The following NKAIN3 variants were observed in gnomAD, a reference collection of about 807,000 sequenced individuals.
The protein encoded by NKAIN3 is sodium/potassium-transporting ATPase subunit beta-1-interacting protein 3.
In NKAIN3, 25 loss-of-function variants were observed where a neutral mutation model predicts 30.2. The ratio of observed to expected loss-of-function variants is 0.83; its 90% CI spans 0.60 to 1.16. NKAIN3 has a LOEUF of 1.16. Among genes scored for constraint, NKAIN3 ranks in the 50% most tolerant of loss-of-function variants. The pLI is 0.00. For missense variants in NKAIN3, 225 were observed against 254.1 expected, an observed-to-expected ratio of 0.89 and a Z score of 0.78; for synonymous variants, 91 against 89.6, an observed-to-expected ratio of 1.02 and a Z score of -0.09.
At chr8:62,532,472 C>A (rs1041015281) in intron 1 of NKAIN3, among the ~76,000 whole-genome samples, 1 of 152,062 alleles carries the variant, frequency 6.6e-6, no homozygotes, top group Non-Finnish European at 1.5e-5. Context: ...AAACATGATG[C>A]TATAATTATC....
In NKAIN3 at chr8:62,967,785, C is replaced by A. The variant is rs1442369468; in HGVS notation, c.*2378C>A. Among the ~76,000 whole-genome samples the A allele has an allele frequency of 6.6e-6, 1 of 151,966 alleles. No homozygotes were observed. Among genetic ancestry groups the A allele is most frequent in the Non-Finnish European group, 1.5e-5 (1 of 68,002 alleles). On this transcript the variant is annotated 3_prime_UTR_variant, in exon 7 of 7. Transcript: ENST00000623646. ...ATATTTTAAACTGTCACTTAATTAC[C>A]CCCACACATACACATGCAAATAAAA...
At chr8:62,522,884 T>C (rs1035473574) in intron 1 of NKAIN3, among the ~76,000 whole-genome samples, 5 of 152,084 alleles carry the variant, frequency 3.3e-5, no homozygotes, top group African/African-American at 1.2e-4. Flanking sequence ...AGTGAAAACA[T>C]TACAGTAAGC....
chr8:62,281,481 T>A (rs1236018766), intron 1 of NKAIN3, among the ~76,000 whole-genome samples: 1 of 152,214 alleles, frequency 6.6e-6, no homozygotes, highest in African/African-American at 2.4e-5. Flanking sequence ...GTGTCAATTT[T>A]AGATCTTTCC....
At chr8:62,878,468 C>T (rs958256069) in intron 4 of NKAIN3, among the ~76,000 whole-genome samples, 4 of 151,966 alleles carry the variant, frequency 2.6e-5, no homozygotes, top group African/African-American at 7.3e-5. Context: ...ACCTCTACCC[C>T]CTAAGAGAGA....
chr8:62,988,721 G>T (rs1824256712), downstream of NKAIN3, among the ~76,000 whole-genome samples: 1 of 152,262 alleles, frequency 6.6e-6, no homozygotes. Context: ...CAGCTATGAA[G>T]ATCTCTGACA....
chr8:62,415,198 T>C (rs35441586), intron 1 of NKAIN3, among the ~76,000 whole-genome samples: 2 of 142,504 alleles, frequency 1.4e-5, no homozygotes, highest in Admixed American at 7.4e-5. Flanking sequence ...TATACTATAG[T>C]ATATATATTA....
At chr8:62,300,976 A>C (rs1814029658) in intron 1 of NKAIN3, among the ~76,000 whole-genome samples, 1 of 152,142 alleles carries the variant, frequency 6.6e-6, no homozygotes, top group African/African-American at 2.4e-5. Flanking sequence ...TAATAGTAGT[A>C]AACTTGGCAG....
At chr8:62,777,548 A>G (rs1457489887) in intron 4 of NKAIN3, among the ~76,000 whole-genome samples, 1 of 152,090 alleles carries the variant, frequency 6.6e-6, no homozygotes, top group African/African-American at 2.4e-5. Flanking sequence ...ATTATTCTTA[A>G]GTATTTCAGT....
chr8:62,697,107 A>G (rs1358800520), intron 3 of NKAIN3, among the ~76,000 whole-genome samples: 4 of 152,188 alleles, frequency 2.6e-5, no homozygotes, highest in African/African-American at 9.7e-5. Context: ...GTAATCCTTT[A>G]AAAACATAGG....
intron 3 of NKAIN3, among the ~76,000 whole-genome samples, chr8:62,632,282 T>C (rs1362693342): frequency 6.6e-6 from 1 of 152,182 alleles, no homozygotes; most frequent in African/African-American, 2.4e-5. Flanking sequence ...TATGAAATTT[T>C]TGTGTCTTCA....
intron 1 of NKAIN3, among the ~76,000 whole-genome samples, chr8:62,382,533 A>G (rs1425312895): frequency 6.6e-6 from 1 of 152,168 alleles, no homozygotes; most frequent in Non-Finnish European, 1.5e-5. Context: ...TTTCTATATT[A>G]TACCAACATT....
chr8:62,350,424 G>A (rs965956816), intron 1 of NKAIN3, among the ~76,000 whole-genome samples: 2 of 152,042 alleles, frequency 1.3e-5, no homozygotes, highest in Admixed American at 1.3e-4. Context: ...AATCAAATTG[G>A]TAGAGACAAA....
chr8:62,491,578 C>A (rs186008176), intron 1 of NKAIN3, among the ~76,000 whole-genome samples: 2 of 152,132 alleles, frequency 1.3e-5, no homozygotes, highest in African/African-American at 4.8e-5. Flanking sequence ...AATGACAAAG[C>A]CAGAGATTAG....
At chr8:62,285,909 T>C (rs1585634068) in intron 1 of NKAIN3, among the ~76,000 whole-genome samples, 4 of 152,296 alleles carry the variant, frequency 2.6e-5, no homozygotes, top group Admixed American at 2.6e-4. Flanking sequence ...TTCTAGACAA[T>C]TGAATCTGTG....
intron 3 of NKAIN3, among the ~76,000 whole-genome samples, chr8:62,672,493 CATT>C (rs1315343143): frequency 1.3e-5 from 2 of 152,196 alleles, no homozygotes; most frequent in African/African-American, 4.8e-5. Context: ...AGAAAAGCCA[CATT>C]ATTATCAGAA....
rs16928986 is a variant in NKAIN3, at chr8:62,475,214, C to T, written c.55-104325C>T. Among the ~76,000 whole-genome samples, 292 of 152,146 alleles carry T rather than the reference C, an allele frequency of 1.9e-3. 1 individual carries two copies. The highest frequency in any genetic ancestry group is 6.7e-3 in the African/African-American group (280 of 41,510). On this transcript the variant is annotated intron_variant, in intron 1 of 6. Transcript: ENST00000623646. ...GAAATAACACAGTTTTCATGATGTT[C>T]GTGATGAGAATAAAGTGAAACAAAA...
chr8:62,448,829 G>C (rs1805560021), intron 1 of NKAIN3, among the ~76,000 whole-genome samples: 1 of 151,922 alleles, frequency 6.6e-6, no homozygotes, highest in South Asian at 2.1e-4. Flanking sequence ...TTTTTTAAGT[G>C]CAGAAAATTC....
At chr8:62,775,607 A>G (rs1279288185) in intron 4 of NKAIN3, among the ~76,000 whole-genome samples, 1 of 152,016 alleles carries the variant, frequency 6.6e-6, no homozygotes, top group Non-Finnish European at 1.5e-5. Context: ...TCATGTTCCT[A>G]CAATAATTTG....
chr8:62,346,478 C>A (rs1187012650), intron 1 of NKAIN3, among the ~76,000 whole-genome samples: 4 of 152,012 alleles, frequency 2.6e-5, no homozygotes, highest in African/African-American at 7.2e-5. Flanking sequence ...ATTAAACTAG[C>A]AAATCCTATT....
Sources: allele counts gnomAD v4.1 joint callset (sites outside exome capture counted in the v4.1 genomes callset), GRCh38; gene constraint gnomAD v4.1.1; transcripts MANE v1.5; gene names NCBI Gene and HGNC (gene_info 2026-07-23, HGNC 2026-07-21).